Variants in MYT1 observed in about 807,000 individuals in gnomAD.
MYT1 encodes myelin transcription factor 1.
MYT1 carries 23 observed loss-of-function variants against 123.0 expected under a neutral mutation model. The ratio of observed to expected loss-of-function variants is 0.19; its 90% CI spans 0.13 to 0.26. MYT1 has a LOEUF of 0.26. MYT1 is among the 10% of genes least tolerant of loss of function. The pLI is 1.00. For missense variants in MYT1, 1,125 were observed against 1,472.5 expected (o/e 0.76, Z 3.86); for synonymous variants, 518 against 575.3 (o/e 0.90, Z 1.43).
At position 64,192,421 on chromosome 20, in the gene MYT1, G is replaced by A. The variant is rs1327986952; in HGVS notation, c.-1+2261G>A. Among the ~76,000 whole-genome samples the A allele has an allele frequency of 1.3e-5, 2 of 152,222 alleles. No individual in the cohort carries two copies. Among genetic ancestry groups the A allele is most frequent in the Non-Finnish European group, 2.9e-5 (2 of 68,036 alleles). On this transcript the variant is annotated intron_variant, in intron 2 of 22. Coordinates refer to ENST00000328439, the MANE Select transcript of MYT1 (RefSeq NM_004535.3). The surrounding 1 kb of genome is among the most constrained non-coding windows in gnomAD (Gnocchi z 5.3). ...AGAGGGCATAAGCCGTGGTCACAGTGTGAGAATGTCACACAGCCACAGCAG... is the reference window on the plus strand; with the variant it reads ...AGAGGGCATAAGCCGTGGTCACAGTATGAGAATGTCACACAGCCACAGCAG...
chr20:64,236,619 C>T lies in MYT1; in HGVS notation c.2962C>T (p.Leu988Phe). 2 of 1,613,732 alleles carry T rather than the reference C, an allele frequency of 1.2e-6. No individual in the cohort carries two copies. The highest frequency in any genetic ancestry group is 1.7e-5 in the Admixed American group (1 of 59,996). Reference protein sequence around the residue: ...KKGKLSGDEVLSPKFKTSDVL... With the variant: ...KKGKLSGDEVFSPKFKTSDVL... ...GGGAAAACTGTCAGGGGATGAGGTC[C>T]TCAGTCCAAAGTTCAAGACTAGCGA... The change falls in exon 20 of 23, where the codon CTC (leucine) becomes TTC (phenylalanine). Residue 988 changes from leucine to phenylalanine, a missense_variant. Transcript: ENST00000328439.
intron 19 of MYT1, among the ~76,000 whole-genome samples, chr20:64,236,193 C>CGGGGTGGGTGACCCTGGGCTGGCT (rs1984532951): frequency 2.8e-5 from 1 of 35,920 alleles, no homozygotes; most frequent in Non-Finnish European, 5.0e-5. Flanking sequence ...CTGGGATGGC[C>CGGGGTGGGTGACCCTGGGCTGGCT]GTGGTGGGTG....
intron 1 of MYT1, among the ~76,000 whole-genome samples, chr20:64,165,308 T>C (rs1982048525): frequency 6.6e-6 from 1 of 152,070 alleles, no homozygotes; most frequent in South Asian, 2.1e-4. Context: ...GTCTGTGGGA[T>C]AGATGTGCAG....
In MYT1 at chr20:64,185,670, C is replaced by T. The variant is rs567004590; in HGVS notation, c.-98-4393C>T. ...CACCATGGGGGCAGGTGGGCTCAGG[C>T]CAGATTCCAGGCTACCGAGCCAGCA... On this transcript the variant is annotated intron_variant, in intron 1 of 22. Transcript: ENST00000328439. The surrounding 1 kb of genome is among the most constrained non-coding windows in gnomAD (Gnocchi z 4.5). 6.9e-4 allele frequency among the ~76,000 whole-genome samples: 105 copies of T among 152,304 alleles called. No individual in the cohort carries two copies. The highest frequency in any genetic ancestry group is 2.5e-3 in the African/African-American group (104 of 41,570).
In MYT1 at chr20:64,212,028, C is replaced by CA; in HGVS notation, c.1427-19dup. The CA allele has an allele frequency of 6.2e-7, 1 of 1,604,794 alleles. No homozygotes were observed. Among genetic ancestry groups the CA allele is most frequent in the African/African-American group, 1.3e-5 (1 of 74,914 alleles). ...ATTCTCTGACAGCCTCGGCTCCCTC[C>CA]ACCCCCTGTTCTCTTACAGTCTTAG... is the stretch of plus-strand genomic sequence containing the variant. On this transcript the variant is annotated intron_variant, in intron 8 of 22. Transcript: ENST00000328439. This position sits in a 1 kb window ranked among gnomAD's most constrained non-coding sequence, Gnocchi z 6.8.
In MYT1 at chr20:64,202,986, G is replaced by A. The variant is rs894256496; in HGVS notation, c.87-2049G>A. ...AGTGTGCTTGCAGGTGAACTGCAGG[G>A]CTGGCATCTGCTGGCACGACACCCT... On this transcript the variant is annotated intron_variant, in intron 4 of 22. Coordinates refer to ENST00000328439, the MANE Select transcript of MYT1 (RefSeq NM_004535.3). The surrounding 1 kb of genome is among the most constrained non-coding windows in gnomAD (Gnocchi z 5.0). Among the ~76,000 whole-genome samples, 4 of 152,224 alleles carry A rather than the reference G, an allele frequency of 2.6e-5. No homozygotes were observed. The highest frequency in any genetic ancestry group is 9.6e-5 in the African/African-American group (4 of 41,466).
intron 1 of MYT1, among the ~76,000 whole-genome samples, chr20:64,176,980 A>G (rs750411832): frequency 2.6e-5 from 4 of 152,234 alleles, no homozygotes; most frequent in Non-Finnish European, 4.4e-5. Context: ...TGATAATAAT[A>G]TAAGAAAGAC....
chr20:64,205,074 G>C lies in MYT1; in HGVS notation c.126G>C (p.Arg42=). The part of the protein sequence containing the change: ...TPGCTGSGHV[R]GKYSRHRSLQ... ...GATGCACAGGCTCAGGGCACGTCCG[G>C]GGCAAGTACTCCAGGCACCGAAGGT... The change falls in exon 5 of 23, where the codon CGG becomes CGC. Residue 42 remains arginine (R), a synonymous_variant. Transcript: ENST00000328439. 6.2e-7 allele frequency: 1 copy of C among 1,614,044 alleles called. No homozygotes were observed. The highest frequency in any genetic ancestry group is 8.5e-7 in the Non-Finnish European group (1 of 1,180,024).
At chr20:64,230,119 C>T (rs982151895) in intron 18 of MYT1, among the ~76,000 whole-genome samples, 1 of 152,204 alleles carries the variant, frequency 6.6e-6, no homozygotes, top group Admixed American at 6.5e-5. Context: ...AGAGAACATA[C>T]CTGAAATCTG....
At position 64,205,653 on chromosome 20, in the gene MYT1, G is replaced by A. The variant is rs745892964; in HGVS notation, c.250G>A (p.Asp84Asn). The change falls in exon 6 of 23, where the codon GAC (aspartate) becomes AAC (asparagine). Residue 84 changes from aspartate to asparagine, a missense_variant. Asp to Asn is a conservative substitution (Grantham distance 23). This residue lies in a region of MYT1 where 406 missense variants were observed against 432.2 expected (regional missense o/e 0.94). Transcript: ENST00000328439. ...GTCACACCCCCTGAAGCTGGCTCTG[G>A]ACGAGGGCTATGGTGTGGACAGCGA... The part of the protein sequence containing the change: ...RKSHPLKLAL[D>N]EGYGVDSDGS... 6.2e-7 allele frequency: 1 copy of A among 1,614,230 alleles called. No individual in the cohort carries two copies. Among genetic ancestry groups the A allele is most frequent in the Non-Finnish European group, 8.5e-7 (1 of 1,180,046 alleles).
chr20:64,170,884 T>TAGAGAGAGAGAGAGAG (rs71197459), intron 1 of MYT1, among the ~76,000 whole-genome samples: 3 of 20,010 alleles, frequency 1.5e-4, no homozygotes, highest in Non-Finnish European at 1.6e-4. Context: ...TATATATATA[T>TAGAGAGAGAGAGAGAG]AGAGAGAGAG....
Position 64,191,065 on chromosome 20 carries a change from G to A in MYT1, c.-1+905G>A, listed in dbSNP as rs557824147. On this transcript the variant is annotated intron_variant, in intron 2 of 22. Transcript: ENST00000328439. The surrounding 1 kb of genome is among the most constrained non-coding windows in gnomAD (Gnocchi z 4.1). ...TGCTTTGAGGTGTGACCACGTCTGG[G>A]CTCTGTGATAGGCCTGAGCAACTGT... is the stretch of plus-strand genomic sequence containing the variant. Among the ~76,000 whole-genome samples the A allele has an allele frequency of 5.9e-5, 9 of 152,294 alleles. 1 individual carries two copies. The Middle Eastern group carries it at 0.014, about 230-fold the overall frequency.
rs758224852 is a variant in MYT1, at chr20:64,239,873, A to G, written c.3207A>G (p.Gln1069=). The change falls in exon 22 of 23, where the codon CAA becomes CAG. Residue 1069 remains glutamine (Q), a synonymous_variant. Transcript: ENST00000328439. ...ELSGLSQALI[Q]SLANIRLPHM... ...CCGGCCTGAGCCAGGCCCTCATCCAAAGTCTCGCCAATATCCGCCTTCCGC... is the reference window on the plus strand; with the variant it reads ...CCGGCCTGAGCCAGGCCCTCATCCAGAGTCTCGCCAATATCCGCCTTCCGC... 4 of 1,613,548 alleles carry G rather than the reference A, an allele frequency of 2.5e-6. 1 individual carries two copies. The highest frequency in any genetic ancestry group is 3.4e-6 in the Non-Finnish European group (4 of 1,180,022).
chr20:64,228,668 C>T (rs1984239148), intron 18 of MYT1, among the ~76,000 whole-genome samples: 1 of 152,182 alleles, frequency 6.6e-6, no homozygotes, highest in South Asian at 2.1e-4. Context: ...AGCTTATTCT[C>T]CCAATAGGGA....
In MYT1 at chr20:64,221,949, G is replaced by A. The variant is rs371924442; in HGVS notation, c.2298G>A (p.Ser766=). ...ASSEADDQEV[S]EENFEERKYP... ...CTGAAGCAGATGACCAGGAAGTGTCGGAAGAGAATTTTGAGGAGCGGAAGT... is the reference window on the plus strand; with the variant it reads ...CTGAAGCAGATGACCAGGAAGTGTCAGAAGAGAATTTTGAGGAGCGGAAGT... Residue 766 remains serine, a synonymous_variant, in exon 14 of 23, where the codon TCG becomes TCA. Transcript: ENST00000328439. The A allele has an allele frequency of 2.1e-5, 34 of 1,613,670 alleles. No homozygotes were observed. In the African/African-American group the frequency reaches 2.8e-4, roughly 13 times the overall value.
intron 1 of MYT1, among the ~76,000 whole-genome samples, chr20:64,187,504 T>G (rs1403442399): frequency 6.6e-6 from 1 of 152,182 alleles, no homozygotes; most frequent in African/African-American, 2.4e-5. Context: ...GGCATCCACG[T>G]TTCCGTGGAG....
chr20:64,237,546 G>A lies in MYT1; in HGVS notation c.3093+156G>A, dbSNP rs776759095. On this transcript the variant is annotated intron_variant, in intron 21 of 22. Transcript: ENST00000328439. The stretch of plus-strand genomic sequence containing the variant: ...GCTGGCACACAGGCACACTTAGGAC[G>A]TGCTGGCCGCTCACAATGCGGAGTC... Among the ~76,000 whole-genome samples, 61 of 152,274 alleles carry A rather than the reference G, an allele frequency of 4.0e-4. 1 individual carries two copies. Among genetic ancestry groups the A allele is most frequent in the Non-Finnish European group, 8.8e-5 (6 of 68,054 alleles).
At chr20:64,233,093 CTCCCCTCCCCTTCTTCCCTCCTCCT>C (rs1317795283) in intron 19 of MYT1, among the ~76,000 whole-genome samples, 4 of 147,676 alleles carry the variant, frequency 2.7e-5, no homozygotes, top group Non-Finnish European at 4.5e-5. Flanking sequence ...TCCCCTGTCC[CTCCCCTCCCCTTCTTCCCTCCTCCT>C]TCCCCTCCCT....
At chr20:64,239,686 A>T in intron 21 of MYT1, 74 bp from the exon 22 acceptor site, 2 of 1,592,570 alleles carry the variant, frequency 1.3e-6, no homozygotes, top group South Asian at 1.1e-5. Context: ...GGGTTGTGAG[A>T]GGCAGCCCAG....
Sources: gnomAD v4.1 joint callset for allele counts (sites outside exome capture counted in the v4.1 genomes callset) on GRCh38, gnomAD v4.1.1 for gene constraint, gnomAD v4.1.1 regional missense constraint, Gnocchi (gnomAD v3.1) non-coding constraint, MANE v1.5 for transcripts, NCBI Gene and HGNC (gene_info 2026-07-23, HGNC 2026-07-21) for gene names.